ANK3: variants seen among roughly 807,000 people sequenced by gnomAD.
ANK3 encodes the protein ankyrin-3.
A neutral mutation model predicts 370.9 loss-of-function variants in ANK3; 57 were observed. That is an observed-to-expected ratio of 0.15 (90% CI 0.12 to 0.19). The LOEUF is 0.19. Among genes scored for constraint, ANK3 ranks in the 10% least tolerant of loss-of-function variants. The pLI, the probability that ANK3 is intolerant of heterozygous loss-of-function variation, is 1.00. For missense variants in ANK3, 4,439 were observed against 5,302.1 expected, an observed-to-expected ratio of 0.84 and a Z score of 5.06; for synonymous variants, 1,929 against 1,946.3, an observed-to-expected ratio of 0.99 and a Z score of 0.23.
At chr10:60,275,884 CTG>C (rs1234172615) in intron 4 of ANK3, among the ~76,000 whole-genome samples, 1 of 152,126 alleles carries the variant, frequency 6.6e-6, no homozygotes, top group Non-Finnish European at 1.5e-5. Flanking sequence ...TGTCATTTGA[CTG>C]TGCAGTTTGA....
At chr10:60,176,086 A>C (rs1357783555) in intron 18 of ANK3, among the ~76,000 whole-genome samples, 3 of 151,344 alleles carry the variant, frequency 2.0e-5, no homozygotes, top group African/African-American at 4.9e-5. Context: ...TACTCCCAGC[A>C]CTTTGGGAGG....
At chr10:60,691,507 C>G (rs1267863248) in intron 1 of ANK3, among the ~76,000 whole-genome samples, 1 of 152,142 alleles carries the variant, frequency 6.6e-6, no homozygotes, top group African/African-American at 2.4e-5. Flanking sequence ...AGAAGATCCA[C>G]TAAACGTTTG....
In ANK3 at chr10:60,068,945, CTGGTGGTGG is replaced by C; in HGVS notation, c.11927_11935del (p.Thr3976_Thr3978del). On this transcript the variant is annotated inframe_deletion, in exon 37 of 44. Coordinates refer to ENST00000280772, the MANE Select transcript of ANK3 (RefSeq NM_020987.5). ...ACTTTTCCTAACTTTAACTGTGCAGCTGGTGGTGGTGGTAGTGGTGGTAGTGGTGGTGGT... is the reference window on the plus strand; with the variant it reads ...ACTTTTCCTAACTTTAACTGTGCAGCTGGTAGTGGTGGTAGTGGTGGTGGT... The C allele has an allele frequency of 6.2e-7, 1 of 1,613,898 alleles. No homozygotes were observed. The highest frequency in any genetic ancestry group is 8.5e-7 in the Non-Finnish European group (1 of 1,179,952).
chr10:60,481,491 T>C (rs967293369), intron 2 of ANK3, among the ~76,000 whole-genome samples: 21 of 151,984 alleles, frequency 1.4e-4, no homozygotes, highest in African/African-American at 4.8e-4. Context: ...GAGATAGAGT[T>C]TTGCTCTGTT....
chr10:60,621,130 G>A (rs548910288), intron 1 of ANK3, among the ~76,000 whole-genome samples: 82 of 152,226 alleles, frequency 5.4e-4, no homozygotes, highest in African/African-American at 1.9e-3. Context: ...AAGCAATTCG[G>A]TCAAATATTT....
intron 1 of ANK3, among the ~76,000 whole-genome samples, chr10:60,699,496 C>T (rs1443375425): frequency 1.3e-5 from 2 of 151,952 alleles, no homozygotes; most frequent in Admixed American, 1.3e-4. Context: ...AGAATTTATG[C>T]TGTTAATTGT....
At chr10:60,659,720 A>G (rs887429296) in intron 1 of ANK3, among the ~76,000 whole-genome samples, 1 of 152,134 alleles carries the variant, frequency 6.6e-6, no homozygotes, top group Non-Finnish European at 1.5e-5. Context: ...TTTAAGGTAC[A>G]TTGTTGTAAA....
intron 35 of ANK3, 35 bp downstream of exon 35, chr10:60,082,115 T>C: frequency 6.4e-7 from 1 of 1,560,510 alleles, no homozygotes; most frequent in East Asian, 2.3e-5. Flanking sequence ...TCTATTCTAC[T>C]TCTGATAGAA....
At chr10:60,545,596 T>C (rs572042241) in intron 2 of ANK3, among the ~76,000 whole-genome samples, 1 of 152,112 alleles carries the variant, frequency 6.6e-6, no homozygotes, top group South Asian at 2.1e-4. Flanking sequence ...GTAATTCTCA[T>C]GAATGTGTAA....
intron 1 of ANK3, among the ~76,000 whole-genome samples, chr10:60,338,248 G>A (rs1341769411): frequency 6.6e-6 from 1 of 152,164 alleles, no homozygotes; most frequent in African/African-American, 2.4e-5. Flanking sequence ...CCCCCATCCA[G>A]CAGGCATAGA....
intron 2 of ANK3, among the ~76,000 whole-genome samples, chr10:60,558,530 T>C (rs1024771094): frequency 1.3e-5 from 2 of 152,202 alleles, no homozygotes; most frequent in Non-Finnish European, 2.9e-5. Context: ...GCTCAGTGCA[T>C]AGTTCTCTCT....
intron 2 of ANK3, chr10:60,573,064 T>G: frequency 1.1e-6 from 1 of 926,612 alleles, no homozygotes; most frequent in Non-Finnish European, 1.3e-6. Context: ...TACTAACACA[T>G]GTGTTGAATG....
chr10:60,157,910 G>C (rs201929993), intron 23 of ANK3, among the ~76,000 whole-genome samples: 1 of 151,292 alleles, frequency 6.6e-6, no homozygotes, highest in Non-Finnish European at 1.5e-5. Flanking sequence ...GAGAGAGAGA[G>C]AGAGAGAGAG....
Position 60,234,675 on chromosome 10 carries a change from G to A in ANK3, c.897+13C>T. Reference sequence around the variant, plus strand: ...AATACAAGTAGAAGCAGGTACATAAGTTGCACACTTACCCTGGTTTTGGCA... The same window carrying A: ...AATACAAGTAGAAGCAGGTACATAAATTGCACACTTACCCTGGTTTTGGCA... On this transcript the variant is annotated intron_variant, in intron 8 of 43. Coordinates refer to ENST00000280772, the MANE Select transcript of ANK3 (RefSeq NM_020987.5). 1 of 1,566,122 alleles carries A rather than the reference G, an allele frequency of 6.4e-7. No homozygotes were observed. Among genetic ancestry groups the A allele is most frequent in the South Asian group, 1.1e-5 (1 of 89,816 alleles).
intron 7 of ANK3, among the ~76,000 whole-genome samples, chr10:60,248,554 G>C (rs761160022): frequency 5.3e-4 from 80 of 152,226 alleles, no homozygotes; most frequent in Admixed American, 2.7e-3. Context: ...CACTGATTTT[G>C]ACCAAGAAAC....
intron 1 of ANK3, among the ~76,000 whole-genome samples, chr10:60,368,418 A>G (rs1288972027): frequency 6.6e-6 from 1 of 152,088 alleles, no homozygotes; most frequent in Non-Finnish European, 1.5e-5. Flanking sequence ...CAAGGCAAAC[A>G]TTGCTTCTCC....
At chr10:60,481,838 GCA>G (rs1336075926) in intron 2 of ANK3, among the ~76,000 whole-genome samples, 4 of 152,122 alleles carry the variant, frequency 2.6e-5, no homozygotes, top group South Asian at 2.1e-4. Context: ...TTGCATCCTA[GCA>G]CAGACACCTA....
intron 2 of ANK3, among the ~76,000 whole-genome samples, chr10:60,536,902 G>T (rs1177577098): frequency 6.6e-6 from 1 of 151,878 alleles, no homozygotes; most frequent in Non-Finnish European, 1.5e-5. Flanking sequence ...AATCATGCTT[G>T]CAAAAAGGGA....
intron 1 of ANK3, among the ~76,000 whole-genome samples, chr10:60,697,656 G>C (rs2079481009): frequency 6.7e-6 from 1 of 148,194 alleles, no homozygotes; most frequent in East Asian, 2.0e-4. Flanking sequence ...AATGGGGAAA[G>C]GATTCCCTAT....
Sources: gnomAD v4.1 joint callset for allele counts (sites outside exome capture counted in the v4.1 genomes callset) on GRCh38, gnomAD v4.1.1 for gene constraint, MANE v1.5 for transcripts, NCBI Gene and HGNC (gene_info 2026-07-23, HGNC 2026-07-21) for gene names.